TECPR1: variants seen among roughly 807,000 people sequenced by gnomAD.
TECPR1 encodes tectonin beta-propeller repeat-containing protein 1.
A neutral mutation model predicts 162.4 loss-of-function variants in TECPR1; 122 were observed. The observed-to-expected ratio is 0.75, with a 90% CI of 0.65 to 0.87. The LOEUF (loss-of-function observed/expected upper bound fraction) is 0.87. Ranked by LOEUF, TECPR1 falls within the 40% of genes least tolerant of loss-of-function variation. The pLI, the probability that TECPR1 is intolerant of heterozygous loss-of-function variation, is 0.00. For missense variants in TECPR1, 1,432 were observed against 1,618.2 expected, an observed-to-expected ratio of 0.88 and a Z score of 1.97; for synonymous variants, 642 against 670.6, an observed-to-expected ratio of 0.96 and a Z score of 0.66.
chr7:98,243,877 G>A (rs1352649376), intron 5 of TECPR1, among the ~76,000 whole-genome samples: 1 of 152,164 alleles, frequency 6.6e-6, no homozygotes, highest in African/African-American at 2.4e-5. Context: ...TTACAGGCAT[G>A]AGCCATCACA....
In TECPR1 at chr7:98,222,482, CGAA is replaced by C; in HGVS notation, c.2965_2967del (p.Phe989del). ...TAGCAGGCCCCGATGGAGATGGAGGCGAAGGGCTGGTCGGTGCCAACGTGCAGC... is the reference window on the plus strand; with the variant it reads ...TAGCAGGCCCCGATGGAGATGGAGGCGGGCTGGTCGGTGCCAACGTGCAGC... On this transcript the variant is annotated inframe_deletion, in exon 22 of 26. Transcript: ENST00000447648. The C allele has an allele frequency of 6.3e-7, 1 of 1,593,890 alleles. No homozygotes were observed. The highest frequency in any genetic ancestry group is 8.5e-7 in the Non-Finnish European group (1 of 1,171,462).
At chr7:98,231,186 T>G in intron 14 of TECPR1, 38 bp downstream of exon 14, 1 of 1,608,612 alleles carries the variant, frequency 6.2e-7, no homozygotes, top group South Asian at 1.1e-5. Context: ...ACCATGGCTA[T>G]CCCTCCCCCC....
chr7:98,233,887 C>G lies in TECPR1; in HGVS notation c.1206G>C (p.Glu402Asp), dbSNP rs753528693. Residue 402 changes from glutamate to aspartate, a missense_variant, in exon 11 of 26, where the codon GAG becomes GAC. By Grantham distance (45) the Glu-to-Asp change is conservative. Coordinates refer to ENST00000447648, the MANE Select transcript of TECPR1 (RefSeq NM_015395.3). The part of the protein sequence containing the change: ...LLSAGCFFGD[E>D]VRGSGESAPS... ...GGGCAGACTCGCCACTACCCCTCAC[C>G]TCATCACCGAAGAAGCAGCCGGCAC... The G allele has an allele frequency of 2.5e-5, 38 of 1,543,504 alleles. No individual in the cohort carries two copies. The highest frequency in any genetic ancestry group is 3.3e-5 in the Non-Finnish European group (38 of 1,141,780).
chr7:98,223,203 C>A, intron 20 of TECPR1, 33 bp from the exon 21 acceptor site: 1 of 1,551,396 alleles, frequency 6.4e-7, no homozygotes, highest in South Asian at 1.2e-5. Context: ...AGCCCAGGGA[C>A]CCCAAGGTGA....
chr7:98,219,832 C>T (rs1264392894), intron 23 of TECPR1, among the ~76,000 whole-genome samples: 2 of 151,878 alleles, frequency 1.3e-5, no homozygotes, highest in Non-Finnish European at 2.9e-5. Flanking sequence ...ACCTGGGAGG[C>T]AGAGGTTGCA....
At chr7:98,231,566 C>T (rs1798439057) in intron 13 of TECPR1, 193 bp from the exon 14 acceptor site, 1 of 598,084 alleles carries the variant, frequency 1.7e-6, no homozygotes, top group African/African-American at 2.2e-5. Flanking sequence ...TGTACCCCCT[C>T]CCCTGGGCAC....
Position 98,238,551 on chromosome 7 carries a change from CATCTCAATCCAACT to C in TECPR1, c.979_992del (p.Ser327GlyfsTer3), listed in dbSNP as rs1318673950. The C allele has an allele frequency of 1.9e-6, 3 of 1,574,564 alleles. No homozygotes were observed. The African/African-American group carries it at 4.1e-5, about 21-fold the overall frequency. ...CGTTCACCATCGTCATCTCACCAAC[CATCTCAATCCAACT>C]GGTGCCGCAGGGATTGTGAGAGTTG... On this transcript the variant is annotated frameshift_variant, in exon 9 of 26. Coordinates refer to ENST00000447648, the MANE Select transcript of TECPR1 (RefSeq NM_015395.3). LOFTEE classifies it high-confidence loss of function.
Position 98,226,653 on chromosome 7 carries a change from C to T in TECPR1, c.2513+1361G>A, listed in dbSNP as rs1011999747. 1.6e-5 allele frequency: 17 copies of T among 1,091,752 alleles called. 1 individual carries two copies. In the South Asian group the frequency reaches 1.7e-4, roughly 11 times the overall value. 67.6% of individuals were successfully genotyped at this position (1,091,752 alleles called of 1,614,324 possible). On this transcript the variant is annotated intron_variant, in intron 17 of 25. Coordinates refer to ENST00000447648, the MANE Select transcript of TECPR1 (RefSeq NM_015395.3). Reference sequence around the variant, plus strand: ...GGAAAAGGCAGAAGTGGAGGCCGGGCGCAGTGGCTCTCGCCTGATGATGCC... The same window carrying T: ...GGAAAAGGCAGAAGTGGAGGCCGGGTGCAGTGGCTCTCGCCTGATGATGCC...
At position 98,216,224 on chromosome 7, in the gene TECPR1, G is replaced by A. The variant is rs1798004348; in HGVS notation, c.*1166C>T. 6.6e-6 allele frequency: 1 copy of A among 152,332 alleles called. No individual in the cohort carries two copies. Among genetic ancestry groups the A allele is most frequent in the African/African-American group, 2.4e-5 (1 of 41,460 alleles). 9.4% of individuals were successfully genotyped at this position (152,332 alleles called of 1,614,324 possible). ...CCGGGCCAGCCTCTCGCCACAGGAT[G>A]GAGGGTGACTGTGCACCCTGCTCCA... is the stretch of plus-strand genomic sequence containing the variant. On this transcript the variant is annotated 3_prime_UTR_variant, in exon 26 of 26. Coordinates refer to ENST00000447648, the MANE Select transcript of TECPR1 (RefSeq NM_015395.3).
At chr7:98,245,768 C>G (rs769602682) in intron 3 of TECPR1, among the ~76,000 whole-genome samples, 154 bp downstream of exon 3, 1 of 152,098 alleles carries the variant, frequency 6.6e-6, no homozygotes, top group African/African-American at 2.4e-5. Context: ...GTCACCACGC[C>G]TGGCAGCAAC....
intron 11 of TECPR1, 185 bp from the exon 12 acceptor site, chr7:98,233,157 C>T: frequency 6.1e-6 from 5 of 814,756 alleles, no homozygotes; most frequent in Middle Eastern, 3.8e-4. Flanking sequence ...GCCTGGAAAG[C>T]AGCCACCACC....
At position 98,232,006 on chromosome 7, in the gene TECPR1, G is replaced by A; in HGVS notation, c.1819-47C>T. The A allele has an allele frequency of 6.4e-7, 1 of 1,553,382 alleles. No individual in the cohort carries two copies. The highest frequency in any genetic ancestry group is 8.7e-7 in the Non-Finnish European group (1 of 1,152,070). ...ACACCATCACAGGCAGGCCCGGGGTGCCAGGGGAGGAGGGCGGGGCTGGGG... is the reference window on the plus strand; with the variant it reads ...ACACCATCACAGGCAGGCCCGGGGTACCAGGGGAGGAGGGCGGGGCTGGGG... On this transcript the variant is annotated intron_variant, in intron 12 of 25. Transcript: ENST00000447648. This position sits in a 1 kb window ranked among gnomAD's most constrained non-coding sequence, Gnocchi z 4.6.
intron 24 of TECPR1, 55 bp downstream of exon 24, chr7:98,217,881 A>G (rs1032318396): frequency 1.9e-6 from 3 of 1,544,262 alleles, no homozygotes; most frequent in Non-Finnish European, 2.6e-6. Flanking sequence ...GATGGGGGAG[A>G]CCAGAGAGGG....
chr7:98,230,987 G>C lies in TECPR1; in HGVS notation c.2256C>G (p.His752Gln). 1 of 1,612,344 alleles carries C rather than the reference G, an allele frequency of 6.2e-7. No individual in the cohort carries two copies. Among genetic ancestry groups the C allele is most frequent in the Non-Finnish European group, 8.5e-7 (1 of 1,179,428 alleles). Residue 752 changes from histidine to glutamine, a missense_variant, in exon 15 of 26, where the codon CAC (histidine) becomes CAG (glutamine). Transcript: ENST00000447648. ...TCTGGTCGCAGGGCAGGGGGTGCTC[G>C]TGGGCCTCCAGGTCTGGGCTGGGCT... ...VSEPSPDLEA[H>Q]EHPLPCDQMF...
Position 98,223,146 on chromosome 7 carries a change from C to A in TECPR1, c.2772G>T (p.Gly924=). Reference sequence around the variant, plus strand: ...CGATGGGGGGCACCTCCAGCCAGGGCCCACTGGTCACCAGCTTGCATTTTC... The same window carrying A: ...CGATGGGGGGCACCTCCAGCCAGGGACCACTGGTCACCAGCTTGCATTTTC... The part of the protein sequence containing the change: ...WARKCKLVTS[G]PWLEVPPIAL... Residue 924 remains glycine, a synonymous_variant, in exon 21 of 26, where the codon GGG becomes GGT. Coordinates refer to ENST00000447648, the MANE Select transcript of TECPR1 (RefSeq NM_015395.3). 1.2e-6 allele frequency: 2 copies of A among 1,603,600 alleles called. No individual in the cohort carries two copies. Among genetic ancestry groups the A allele is most frequent in the South Asian group, 1.1e-5 (1 of 89,326 alleles).
rs188491515 is a variant in TECPR1 at position 98,225,964 on chromosome 7, G to C, written c.2514-862C>G. Among the ~76,000 whole-genome samples, 62 of 152,336 alleles carry C rather than the reference G, an allele frequency of 4.1e-4. No homozygotes were observed. In the East Asian group the frequency reaches 9.3e-3, roughly 23 times the overall value. ...CAAACCATGTGGTCTGTGGTACTTT[G>C]TTAGTACCACCACAGGACACTCGAG... On this transcript the variant is annotated intron_variant, in intron 17 of 25. Coordinates refer to ENST00000447648, the MANE Select transcript of TECPR1 (RefSeq NM_015395.3).
Position 98,215,644 on chromosome 7 carries a change from C to G in TECPR1, c.*1746G>C, listed in dbSNP as rs948992603. 6.6e-6 allele frequency: 1 copy of G among 152,272 alleles called. No individual in the cohort carries two copies. Among genetic ancestry groups the G allele is most frequent in the Non-Finnish European group, 1.5e-5 (1 of 68,060 alleles). The allele number at this position is 152,272 out of a possible 1,614,324, so 9.4% of individuals were successfully genotyped here. On this transcript the variant is annotated 3_prime_UTR_variant, in exon 26 of 26. Transcript: ENST00000447648. ...AGGGTGACGCCCTCCCCGTACCTCG[C>G]TGAGAGCCACCTGCAGACACAGCAG...
At position 98,232,714 on chromosome 7, in the gene TECPR1, C is replaced by T; in HGVS notation, c.1818+113G>A. The T allele has an allele frequency of 7.5e-7, 1 of 1,336,742 alleles. No individual in the cohort carries two copies. 82.8% of individuals were successfully genotyped at this position (1,336,742 alleles called of 1,614,324 possible). On this transcript the variant is annotated intron_variant, in intron 12 of 25. Transcript: ENST00000447648. The surrounding 1 kb of genome is among the most constrained non-coding windows in gnomAD (Gnocchi z 4.6). ...TCTATGCCTGCATCTGGGCGGGAGA[C>T]CAGGGGATGGAGGCATCTATCTGTT...
intron 8 of TECPR1, among the ~76,000 whole-genome samples, chr7:98,239,667 G>A (rs1798696625): frequency 6.6e-6 from 1 of 152,198 alleles, no homozygotes; most frequent in South Asian, 2.1e-4. Flanking sequence ...GGGGTGACCA[G>A]GATCCAATGT....
Sources: gnomAD v4.1 joint callset for allele counts (sites outside exome capture counted in the v4.1 genomes callset) on GRCh38, gnomAD v4.1.1 for gene constraint, Gnocchi (gnomAD v3.1) non-coding constraint, MANE v1.5 for transcripts, NCBI Gene and HGNC (gene_info 2026-07-23, HGNC 2026-07-21) for gene names.